GGA2: variants seen among roughly 807,000 people sequenced by gnomAD.
GGA2 encodes the protein ADP-ribosylation factor-binding protein GGA2.
In GGA2, 48 loss-of-function variants were observed where a neutral mutation model predicts 79.5. The observed-to-expected ratio is 0.60, with a 90% confidence interval of 0.48 to 0.77. The LOEUF is 0.77. Ranked by LOEUF, GGA2 falls within the 30% of genes least tolerant of loss-of-function variation. The probability of loss-of-function intolerance (pLI) is 0.00; values close to 1 mark genes in which losing one functional copy is unlikely to be tolerated. For missense variants in GGA2, 770 were observed against 774.0 expected (o/e 0.99, Z 0.06); for synonymous variants, 317 against 302.0 (o/e 1.05, Z -0.51).
rs545289483 is a variant in GGA2, at chr16:23,491,575, A to G, written c.475+102T>C. 32 of 994,922 alleles carry G rather than the reference A, an allele frequency of 3.2e-5. No homozygotes were observed. In the Admixed American group the frequency reaches 4.9e-4, roughly 15 times the overall value. 61.6% of individuals were successfully genotyped at this position (994,922 alleles called of 1,614,324 possible). On this transcript the variant is annotated intron_variant, in intron 5 of 16. Coordinates refer to ENST00000309859, the MANE Select transcript of GGA2 (RefSeq NM_015044.4). ...TCTACCTCAGTGTCTATGGTCCTAC[A>G]TAAGAAGTACAGCTTTCAACAAAAA...
At chr16:23,521,403 ATT>A (rs563341460) in intron 1 of GGA2, among the ~76,000 whole-genome samples, 4 of 144,010 alleles carry the variant, frequency 2.8e-5, no homozygotes, top group Non-Finnish European at 1.5e-5. Flanking sequence ...TATTTTATTC[ATT>A]TTTTTTTTTT....
At chr16:23,517,045 A>G (rs11865616) in intron 2 of GGA2, among the ~76,000 whole-genome samples, 2,235 of 152,114 alleles carry the variant, frequency 0.015, 23 homozygotes, top group South Asian at 0.02. Flanking sequence ...TTACCAATGA[A>G]CTTCCTGCTA....
Position 23,495,735 on chromosome 16 carries a change from A to G in GGA2, c.135T>C (p.Ala45=). The G allele has an allele frequency of 6.2e-7, 1 of 1,612,842 alleles. No individual in the cohort carries two copies. Residue 45 remains alanine, a synonymous_variant, in exon 2 of 17, where the codon GCT becomes GCC. Transcript: ENST00000309859. ...DPSMSEQDWS[A]IQNFCEQVNT... ...TCACCTGCTCACAGAAATTCTGGAT[A>G]GCTGACCAATCCTGTTCCGACATGC...
chr16:23,473,469 T>C (rs1252311205), intron 14 of GGA2, among the ~76,000 whole-genome samples: 1 of 150,598 alleles, frequency 6.6e-6, no homozygotes, highest in Non-Finnish European at 1.5e-5. Context: ...CCTGAGTAGC[T>C]GGGATTACAG....
intron 1 of GGA2, among the ~76,000 whole-genome samples, chr16:23,508,452 T>C (rs1371635376): frequency 6.6e-6 from 1 of 152,174 alleles, no homozygotes; most frequent in Non-Finnish European, 1.5e-5. Context: ...CTCAAGGATG[T>C]CTCATTAAAT....
intron 4 of GGA2, among the ~76,000 whole-genome samples, chr16:23,492,551 G>T (rs1167429219): frequency 6.6e-6 from 1 of 152,194 alleles, no homozygotes; most frequent in South Asian, 2.1e-4. Context: ...ACCTACGTTG[G>T]GAGGATGGCA....
chr16:23,474,312 G>A (rs144070229), intron 14 of GGA2, among the ~76,000 whole-genome samples: 57 of 152,092 alleles, frequency 3.7e-4, no homozygotes, highest in Non-Finnish European at 6.6e-4. Flanking sequence ...CCTTGACAGT[G>A]TCAATACTAA....
chr16:23,464,623 T>C lies in GGA2; in HGVS notation c.*2967A>G, dbSNP rs1400714080. 1 of 152,010 alleles carries C rather than the reference T, an allele frequency of 6.6e-6. No homozygotes were observed. Among genetic ancestry groups the C allele is most frequent in the Non-Finnish European group, 1.5e-5 (1 of 68,066 alleles). 9.4% of individuals were successfully genotyped at this position (152,010 alleles called of 1,614,324 possible). A position where few individuals can be genotyped will look rare whatever the true frequency, so the allele number is the denominator to read the frequency against. ...AGGGAGGACATGATGTGGGATTATT[T>C]AGAAAACAGGCCAAATGACATGCAA... is the stretch of plus-strand genomic sequence containing the variant. On this transcript the variant is annotated 3_prime_UTR_variant, in exon 17 of 17. Transcript: ENST00000309859.
intron 14 of GGA2, among the ~76,000 whole-genome samples, chr16:23,471,736 C>A (rs1205163296): frequency 6.6e-6 from 1 of 151,986 alleles, no homozygotes. Context: ...CTGCCTCCCA[C>A]CCTCAAAAAG....
intron 9 of GGA2, among the ~76,000 whole-genome samples, chr16:23,482,481 CTG>C (rs550282005): frequency 1.2e-3 from 177 of 152,292 alleles, no homozygotes; most frequent in African/African-American, 4.2e-3. Context: ...TTTTTAGTAA[CTG>C]TGGACAATTC....
chr16:23,465,225 G>A lies in GGA2; in HGVS notation c.*2365C>T, dbSNP rs1457590930. Reference sequence around the variant, plus strand: ...GGACTTGAAATCCTGGGCTCAAGCGGTCATCCCACTCAGCCTCCCAAAATG... The same window carrying A: ...GGACTTGAAATCCTGGGCTCAAGCGATCATCCCACTCAGCCTCCCAAAATG... On this transcript the variant is annotated 3_prime_UTR_variant, in exon 17 of 17. Coordinates refer to ENST00000309859, the MANE Select transcript of GGA2 (RefSeq NM_015044.4). 3.1e-6 allele frequency: 2 copies of A among 648,960 alleles called. No homozygotes were observed. Among genetic ancestry groups the A allele is most frequent in the African/African-American group, 1.8e-5 (1 of 55,894 alleles). 40.2% of individuals were successfully genotyped at this position (648,960 alleles called of 1,614,324 possible). A position where few individuals can be genotyped will look rare whatever the true frequency, so the allele number is the denominator to read the frequency against.
upstream of GGA2, among the ~76,000 whole-genome samples, chr16:23,512,984 C>T (rs994192693): frequency 1.3e-5 from 2 of 152,066 alleles, no homozygotes; most frequent in African/African-American, 2.4e-5. Context: ...GAATTACAGG[C>T]GTGAACCACT....
chr16:23,521,804 C>A (rs1039028048), exon 1 of GGA2: 25 of 455,840 alleles, frequency 5.5e-5, no homozygotes, highest in African/African-American at 4.8e-4. Context: ...TGACCATGAG[C>A]CAAGAAGCTC....
chr16:23,520,522 T>A (rs1407228325), intron 1 of GGA2, among the ~76,000 whole-genome samples: 1 of 151,952 alleles, frequency 6.6e-6, no homozygotes, highest in African/African-American at 2.4e-5. Flanking sequence ...CCAGGTGTGG[T>A]GGCATGCACC....
chr16:23,488,575 G>C (rs763730219), intron 6 of GGA2, 31 bp downstream of exon 6: 4 of 1,248,926 alleles, frequency 3.2e-6, no homozygotes, highest in Admixed American at 3.4e-5. Context: ...GAAAAGGTCT[G>C]ATCAGACACC....
rs1181076960 is a variant in GGA2, at chr16:23,465,040, A to G, written c.*2550T>C. On this transcript the variant is annotated 3_prime_UTR_variant, in exon 17 of 17. Transcript: ENST00000309859. Reference sequence around the variant, plus strand: ...CCCCGAAGAGTTCAAGATACTGGAAAGCACTGGCCATGAGTGCCAGATCTC... The same window carrying G: ...CCCCGAAGAGTTCAAGATACTGGAAGGCACTGGCCATGAGTGCCAGATCTC... 2.0e-5 allele frequency: 9 copies of G among 459,830 alleles called. No homozygotes were observed. Among genetic ancestry groups the G allele is most frequent in the Admixed American group, 1.9e-4 (5 of 26,638 alleles). 28.5% of individuals were successfully genotyped at this position (459,830 alleles called of 1,614,324 possible). A position where few individuals can be genotyped will look rare whatever the true frequency, so the allele number is the denominator to read the frequency against.
At chr16:23,498,453 GCA>G (rs1964882633) in intron 1 of GGA2, among the ~76,000 whole-genome samples, 1 of 152,216 alleles carries the variant, frequency 6.6e-6, no homozygotes, top group African/African-American at 2.4e-5. Context: ...AACAGTCTGG[GCA>G]CAGTGTCTCA....
At chr16:23,511,796 A>G (rs189502272), upstream of GGA2, among the ~76,000 whole-genome samples, 3 of 152,356 alleles carry the variant, frequency 2.0e-5, no homozygotes, top group East Asian at 5.8e-4. Flanking sequence ...GAGGGAACCA[A>G]GCAGATGTTA....
At chr16:23,486,594 A>G in intron 7 of GGA2, 116 bp downstream of exon 7, 1 of 760,770 alleles carries the variant, frequency 1.3e-6, no homozygotes. Context: ...CAGGGCTAGG[A>G]GCCACTCTTT....
Sources: gnomAD v4.1 joint callset for allele counts (sites outside exome capture counted in the v4.1 genomes callset) on GRCh38, gnomAD v4.1.1 for gene constraint, MANE v1.5 for transcripts, NCBI Gene and HGNC (gene_info 2026-07-23, HGNC 2026-07-21) for gene names.